The following FOXP1 variants were observed in gnomAD, a reference collection of about 807,000 sequenced individuals.
FOXP1 encodes the protein forkhead box protein P1.
FOXP1 carries 15 observed loss-of-function variants against 98.2 expected under a neutral mutation model. The observed-to-expected ratio is 0.15, with a 90% confidence interval of 0.10 to 0.24. The LOEUF is 0.24. FOXP1 is among the 10% of genes least tolerant of loss of function. FOXP1 has a pLI of 1.00. For missense variants in FOXP1, 633 were observed against 848.5 expected (o/e 0.75, Z 3.15); for synonymous variants, 371 against 314.5 (o/e 1.18, Z -1.90).
At chr3:71,457,774 G>A (rs2087644660) in intron 3 of FOXP1, among the ~76,000 whole-genome samples, 1 of 152,194 alleles carries the variant, frequency 6.6e-6, no homozygotes, top group Admixed American at 6.5e-5. Context: ...GAAGAGATAT[G>A]CCTGGGAAAT....
chr3:71,190,549 G>A (rs1443840837), intron 6 of FOXP1, among the ~76,000 whole-genome samples: 1 of 149,062 alleles, frequency 6.7e-6, no homozygotes, highest in Non-Finnish European at 1.5e-5. Flanking sequence ...AGCCCGGGGA[G>A]GTAAAGCCTT....
At chr3:71,296,124 T>C (rs1364869849) in intron 5 of FOXP1, 2 of 152,256 alleles carry the variant, frequency 1.3e-5, no homozygotes. Context: ...CATTTGGTTT[T>C]CTGAATTTGC....
chr3:71,551,737 CTG>C (rs1315211526), intron 2 of FOXP1, among the ~76,000 whole-genome samples: 1 of 152,146 alleles, frequency 6.6e-6, no homozygotes, highest in Non-Finnish European at 1.5e-5. Context: ...GTGGTTATAA[CTG>C]TGATACAACA....
At chr3:71,329,004 C>T (rs1169224433) in intron 4 of FOXP1, among the ~76,000 whole-genome samples, 4 of 95,866 alleles carry the variant, frequency 4.2e-5, no homozygotes, top group Admixed American at 2.2e-4. Flanking sequence ...AAAAAAAAAA[C>T]TGACAGTTTC....
At chr3:71,462,487 G>C (rs1302431538) in intron 3 of FOXP1, among the ~76,000 whole-genome samples, 1 of 152,024 alleles carries the variant, frequency 6.6e-6, no homozygotes, top group Non-Finnish European at 1.5e-5. Context: ...ATCCATGATG[G>C]GCCAACTACA....
Position 70,983,295 on chromosome 3 carries a change from G to A in FOXP1, c.1146+4699C>T, listed in dbSNP as rs551131348. On this transcript the variant is annotated intron_variant, in intron 14 of 20. Coordinates refer to ENST00000649528, the MANE Select transcript of FOXP1 (RefSeq NM_001349338.3). ...TAGTTGAAAGGTTGGTGGGGGTGGG[G>A]CACTTAATGAAAAACAGTATATAAA... Among the ~76,000 whole-genome samples the A allele has an allele frequency of 2.3e-4, 35 of 152,142 alleles. 1 individual carries two copies. The South Asian group carries it at 6.9e-3, about 30-fold the overall frequency.
chr3:71,389,967 G>A (rs752036375), intron 3 of FOXP1, among the ~76,000 whole-genome samples: 63 of 152,168 alleles, frequency 4.1e-4, no homozygotes, highest in Non-Finnish European at 6.9e-4. Context: ...CTCAGGCTGC[G>A]GTTTCTTGCC....
intron 2 of FOXP1, among the ~76,000 whole-genome samples, chr3:71,531,615 C>CT (rs1339286520): frequency 3.9e-5 from 6 of 152,088 alleles, no homozygotes; most frequent in East Asian, 3.8e-4. Flanking sequence ...TCATGACCAT[C>CT]TTTTTTTTGT....
rs554604150 is a variant in FOXP1, at chr3:71,229,615, T to C, written c.-11-31223A>G. Among the ~76,000 whole-genome samples the C allele has an allele frequency of 2.6e-5, 4 of 152,304 alleles. No individual in the cohort carries two copies. In the South Asian group the frequency reaches 8.3e-4, roughly 32 times the overall value. ...AAAAAAAGGGTTCTCAAAATCCACG[T>C]ATTTATTCAGATTTCATCATACAGG... On this transcript the variant is annotated intron_variant, in intron 5 of 20. Coordinates refer to ENST00000649528, the MANE Select transcript of FOXP1 (RefSeq NM_001349338.3).
chr3:71,551,776 A>T (rs1014173267), intron 2 of FOXP1, among the ~76,000 whole-genome samples: 2 of 152,192 alleles, frequency 1.3e-5, no homozygotes, highest in Admixed American at 6.5e-5. Flanking sequence ...AAAACATTTG[A>T]ATCTTTTGAT....
intron 2 of FOXP1, among the ~76,000 whole-genome samples, chr3:71,530,918 A>G: frequency 6.6e-6 from 1 of 152,182 alleles, no homozygotes; most frequent in African/African-American, 2.4e-5. Flanking sequence ...AGACTGAGCT[A>G]ATTTGTACTA....
chr3:70,972,951 T>C (rs566763411), intron 17 of FOXP1, among the ~76,000 whole-genome samples: 2 of 152,352 alleles, frequency 1.3e-5, no homozygotes, highest in African/African-American at 2.4e-5. Context: ...AAGCCCAAAA[T>C]AGGTTCCAGA....
At chr3:71,168,486 A>G (rs1039146115) in intron 6 of FOXP1, among the ~76,000 whole-genome samples, 1 of 152,256 alleles carries the variant, frequency 6.6e-6, no homozygotes, top group African/African-American at 2.4e-5. Context: ...CAATGGCCAA[A>G]TGGCCGGTAG....
intron 2 of FOXP1, among the ~76,000 whole-genome samples, chr3:71,505,034 C>T (rs6780776): frequency 0.32 from 49,073 of 152,016 alleles, 9,052 homozygotes; most frequent in Non-Finnish European, 0.42. Context: ...AGACCACAGT[C>T]AGTGACAGAG....
intron 6 of FOXP1, among the ~76,000 whole-genome samples, chr3:71,195,519 G>C (rs1475789735): frequency 2.0e-5 from 3 of 152,170 alleles, no homozygotes; most frequent in Admixed American, 2.0e-4. Flanking sequence ...AGATCTTTGT[G>C]TTCCATGGAC....
At chr3:71,387,860 A>T (rs78512602) in intron 3 of FOXP1, among the ~76,000 whole-genome samples, 1 of 152,240 alleles carries the variant, frequency 6.6e-6, no homozygotes, top group African/African-American at 2.4e-5. Context: ...TCTGTTATTG[A>T]AAAAAAGTTT....
At chr3:71,581,967 G>A in intron 1 of FOXP1, 1 of 870,912 alleles carries the variant, frequency 1.1e-6, no homozygotes, top group Non-Finnish European at 1.4e-6. Context: ...AAGGAGGGGG[G>A]AGGAATAGGG....
intron 19 of FOXP1, chr3:70,969,497 G>A (rs917045986): frequency 2.6e-5 from 4 of 152,038 alleles, no homozygotes; most frequent in African/African-American, 7.3e-5. Context: ...GGGCCTGTAG[G>A]GTACAGAGTC....
intron 2 of FOXP1, among the ~76,000 whole-genome samples, chr3:71,559,425 C>T (rs2046378729): frequency 6.6e-6 from 1 of 152,200 alleles, no homozygotes; most frequent in South Asian, 2.1e-4. Context: ...CACCCATTCT[C>T]AGTTCCTGCA....
Sources: gnomAD v4.1 joint callset for allele counts (sites outside exome capture counted in the v4.1 genomes callset) on GRCh38, gnomAD v4.1.1 for gene constraint, MANE v1.5 for transcripts, NCBI Gene and HGNC (gene_info 2026-07-23, HGNC 2026-07-21) for gene names.